The following NGLY1 variants were observed in gnomAD, a reference collection of about 807,000 sequenced individuals.
The protein encoded by NGLY1 is N-glycanase 1, also known as peptide-N(4)-(N-acetyl-beta-glucosaminyl)asparagine amidase.
In NGLY1, 68 loss-of-function variants were observed where a neutral mutation model predicts 84.6. The ratio of observed to expected loss-of-function variants is 0.80; its 90% CI spans 0.66 to 0.98. NGLY1 has a LOEUF of 0.98. NGLY1 is among the 50% of genes least tolerant of loss of function. The pLI is 0.00. For missense variants in NGLY1, 779 were observed against 770.2 expected (o/e 1.01, Z -0.14); for synonymous variants, 280 against 275.2 (o/e 1.02, Z -0.17).
At chr3:25,756,003 T>C (rs1468129894) in intron 3 of NGLY1, among the ~76,000 whole-genome samples, 1 of 152,226 alleles carries the variant, frequency 6.6e-6, no homozygotes, top group Admixed American at 6.5e-5. Flanking sequence ...ATTTATCTTT[T>C]ACAGCATGAT....
upstream of NGLY1, among the ~76,000 whole-genome samples, chr3:25,785,289 A>T (rs1414958456): frequency 2.0e-5 from 3 of 150,552 alleles, no homozygotes; most frequent in Non-Finnish European, 4.4e-5. Context: ...TACAAAAAAT[A>T]AAAAAAAAAT....
In NGLY1 at chr3:25,764,286, T is replaced by A. The variant is rs749236268; in HGVS notation, c.272A>T (p.Lys91Ile). The part of the protein sequence containing the change: ...EEGETHLIFP[K>I]KASVEQLQKI... ...TTGCAGCTGCTCCACTGAAGCTTTT[T>A]TAGGAAAGATGAGATGTGTTTCTCC... The change falls in exon 3 of 12, where the codon AAA (lysine) becomes ATA (isoleucine). Residue 91 changes from lysine (K) to isoleucine (I), a missense_variant. Lys to Ile is a moderately radical substitution (Grantham distance 102). Transcript: ENST00000280700. 1 of 1,614,028 alleles carries A rather than the reference T, an allele frequency of 6.2e-7. No individual in the cohort carries two copies. The highest frequency in any genetic ancestry group is 2.2e-5 in the East Asian group (1 of 44,886).
upstream of NGLY1, chr3:25,783,482 C>A (rs1228926714): frequency 8.4e-7 from 1 of 1,186,606 alleles, no homozygotes; most frequent in African/African-American, 1.8e-5. The surrounding 1 kb of genome is among the most constrained non-coding windows in gnomAD (Gnocchi z 4.5). Flanking sequence ...CCGCAGCCAC[C>A]GGCAGGGGCG....
At chr3:25,769,665 C>T (rs1707798574) in intron 2 of NGLY1, among the ~76,000 whole-genome samples, 1 of 152,098 alleles carries the variant, frequency 6.6e-6, no homozygotes, top group African/African-American at 2.4e-5. Flanking sequence ...AAAAATAGAA[C>T]TACCATATGA....
intron 3 of NGLY1, among the ~76,000 whole-genome samples, chr3:25,753,531 CA>C: frequency 6.6e-6 from 1 of 152,048 alleles, no homozygotes; most frequent in South Asian, 2.1e-4. Context: ...AACTGGAAAG[CA>C]AAATCTCAAT....
chr3:25,771,414 C>A (rs953236057), intron 2 of NGLY1, among the ~76,000 whole-genome samples: 17 of 152,234 alleles, frequency 1.1e-4, no homozygotes, highest in African/African-American at 4.1e-4. Flanking sequence ...TATTTTTATG[C>A]CGGTACCATG....
intron 1 of NGLY1, among the ~76,000 whole-genome samples, chr3:25,779,661 A>C (rs1473883721): frequency 6.6e-6 from 1 of 152,170 alleles, no homozygotes; most frequent in Admixed American, 6.5e-5. Flanking sequence ...ACTTTGTCCT[A>C]TCTACACATG....
At chr3:25,758,419 A>G (rs1280669243) in intron 3 of NGLY1, among the ~76,000 whole-genome samples, 2 of 152,010 alleles carry the variant, frequency 1.3e-5, no homozygotes, top group Non-Finnish European at 2.9e-5. Context: ...TCTACAAAAA[A>G]TAAAGAAAAA....
At chr3:25,738,579 A>C (rs1705962983) in intron 5 of NGLY1, among the ~76,000 whole-genome samples, 1 of 152,214 alleles carries the variant, frequency 6.6e-6, no homozygotes, top group African/African-American at 2.4e-5. Context: ...TGCTTAACCA[A>C]GCATTTCTTA....
rs779666541 is a variant in NGLY1 at position 25,739,664 on chromosome 3, A to C, written c.794T>G (p.Leu265Arg). Residue 265 changes from leucine (L) to arginine (R), a missense_variant, in exon 5 of 12, where the codon CTG (leucine) becomes CGG (arginine). By Grantham distance (102) the Leu-to-Arg change is moderately radical. Coordinates refer to ENST00000280700, the MANE Select transcript of NGLY1 (RefSeq NM_018297.4). ...CCACTTCAGCTCATCATCACTGGGC[A>C]GTAATGATCTATCTCTAGACCTAGT... ...GQTRSRDRSL[L>R]PSDDELKWGA... 10 of 1,614,046 alleles carry C rather than the reference A, an allele frequency of 6.2e-6. No homozygotes were observed. The highest frequency in any genetic ancestry group is 8.5e-6 in the Non-Finnish European group (10 of 1,180,018).
intron 4 of NGLY1, among the ~76,000 whole-genome samples, chr3:25,740,880 A>C (rs1706102272): frequency 6.6e-6 from 1 of 152,112 alleles, no homozygotes; most frequent in Non-Finnish European, 1.5e-5. Context: ...TAATCCCAGC[A>C]CTTTGGGAGG....
chr3:25,786,517 C>T (rs2125335598), upstream of NGLY1, among the ~76,000 whole-genome samples: 1 of 152,242 alleles, frequency 6.6e-6, no homozygotes, highest in African/African-American at 2.4e-5. Flanking sequence ...GTTAGGGTAG[C>T]TTATTCAGCT....
intron 10 of NGLY1, among the ~76,000 whole-genome samples, chr3:25,722,674 A>C (rs781025840): frequency 1.3e-5 from 2 of 152,180 alleles, no homozygotes; most frequent in Admixed American, 6.5e-5. Context: ...TGGAACTGTC[A>C]ATTGCTCCAC....
At chr3:25,743,625 T>C (rs1706265383) in intron 4 of NGLY1, among the ~76,000 whole-genome samples, 1 of 152,130 alleles carries the variant, frequency 6.6e-6, no homozygotes, top group East Asian at 1.9e-4. Flanking sequence ...TGTTCACTGC[T>C]ATATCCCCAA....
chr3:25,747,675 C>T (rs187283533), intron 4 of NGLY1, among the ~76,000 whole-genome samples: 5 of 152,258 alleles, frequency 3.3e-5, no homozygotes, highest in Non-Finnish European at 7.4e-5. Context: ...CAACTGAAAT[C>T]AGTGACTTTT....
At chr3:25,766,912 A>G (rs923410805) in intron 2 of NGLY1, among the ~76,000 whole-genome samples, 2 of 152,238 alleles carry the variant, frequency 1.3e-5, no homozygotes, top group Non-Finnish European at 2.9e-5. Flanking sequence ...CAAAGTGTCT[A>G]TATCAAAAAA....
intron 10 of NGLY1, among the ~76,000 whole-genome samples, chr3:25,724,903 T>C (rs1873100): frequency 0.66 from 100,147 of 152,142 alleles, 38,876 homozygotes; most frequent in East Asian, 0.94. Context: ...TCATTCATGG[T>C]TCCTGGCTCA....
In NGLY1 at chr3:25,783,203, C is replaced by G. The variant is rs562429440; in HGVS notation, c.131+57G>C. On this transcript the variant is annotated intron_variant, in intron 1 of 11. Transcript: ENST00000280700. The surrounding 1 kb of genome is among the most constrained non-coding windows in gnomAD (Gnocchi z 4.5). ...CCGGACGCCCCAGTCCCTGGCCGAA[C>G]AAGGTGCCGCGGCCCACCCACCCCG... The G allele has an allele frequency of 6.7e-5, 103 of 1,527,850 alleles. 1 individual carries two copies. In the African/African-American group the frequency reaches 1.3e-3, roughly 19 times the overall value. 94.6% of individuals were successfully genotyped at this position (1,527,850 alleles called of 1,614,324 possible).
rs565447910 is a variant in NGLY1, at chr3:25,778,925, C to CTTTTTT, written c.132-243_132-238dup. Among the ~76,000 whole-genome samples, 20 of 54,694 alleles carry CTTTTTT rather than the reference C, an allele frequency of 3.7e-4. 3 individuals are homozygous for CTTTTTT. The highest frequency in any genetic ancestry group is 1.1e-3 in the African/African-American group (18 of 16,782). 35.9% of individuals were successfully genotyped at this position (54,694 alleles called of 152,430 possible). On this transcript the variant is annotated intron_variant, in intron 1 of 11. Transcript: ENST00000280700. ...GTCTCGCTTCAGTTTAAGATACATTCTTTTTTTTTTTTTTTTTTTTTTTTT... is the reference window on the plus strand; with the variant it reads ...GTCTCGCTTCAGTTTAAGATACATTCTTTTTTTTTTTTTTTTTTTTTTTTTTTTTTT...
Sources: gnomAD v4.1 joint callset for allele counts (sites outside exome capture counted in the v4.1 genomes callset) on GRCh38, gnomAD v4.1.1 for gene constraint, Gnocchi (gnomAD v3.1) non-coding constraint, MANE v1.5 for transcripts, NCBI Gene and HGNC (gene_info 2026-07-23, HGNC 2026-07-21) for gene names.